The following MVB12B variants were observed in gnomAD, a reference collection of about 807,000 sequenced individuals.
The protein encoded by MVB12B is ESCRT-I complex subunit MVB12B.
A neutral mutation model predicts 41.6 loss-of-function variants in MVB12B; 16 were observed. The ratio of observed to expected loss-of-function variants is 0.38; its 90% CI spans 0.26 to 0.58. The LOEUF is 0.58. MVB12B is among the 20% of genes least tolerant of loss of function. The pLI, the probability that MVB12B is intolerant of heterozygous loss-of-function variation, is 0.62. For synonymous variants in MVB12B, 133 were observed against 139.7 expected, an observed-to-expected ratio of 0.95 and a Z score of 0.34; for missense variants, 274 against 380.2, an observed-to-expected ratio of 0.72 and a Z score of 2.32.
chr9:126,408,252 A>C (rs1361834620), intron 6 of MVB12B: 1 of 152,218 alleles, frequency 6.6e-6, no homozygotes, highest in African/African-American at 2.4e-5. Flanking sequence ...GCACCCGTGA[A>C]TTTGGAAAGT....
rs142800805 is a variant in MVB12B at position 126,420,255 on chromosome 9, CTTAG to C, written c.663-1594_663-1591del. On this transcript the variant is annotated intron_variant, in intron 6 of 9. Coordinates refer to ENST00000361171, the MANE Select transcript of MVB12B (RefSeq NM_033446.3). ...AGCTGAGGGAGCTCACCTCTGTACC[CTTAG>C]TTAGCAGCAGTAACAAAGAATATTC... Among the ~76,000 whole-genome samples, 1,127 of 152,372 alleles carry C rather than the reference CTTAG, an allele frequency of 7.4e-3. 11 individuals carry two copies. Among genetic ancestry groups the C allele is most frequent in the East Asian group, 0.046 (239 of 5,178 alleles).
Position 126,504,263 on chromosome 9 carries a change from G to A in MVB12B, c.*1000G>A, listed in dbSNP as rs1013593496. On this transcript the variant is annotated 3_prime_UTR_variant, in exon 10 of 10. Coordinates refer to ENST00000361171, the MANE Select transcript of MVB12B (RefSeq NM_033446.3). ...CTGGCACTTCCGAGTGCCCACTGGT[G>A]CTGGCGTCCTCAAAGTGCCGGGCGC... The A allele has an allele frequency of 6.6e-6, 1 of 152,268 alleles. No individual in the cohort carries two copies. Among genetic ancestry groups the A allele is most frequent in the African/African-American group, 2.4e-5 (1 of 41,472 alleles). 9.4% of individuals were successfully genotyped at this position (152,268 alleles called of 1,614,324 possible).
chr9:126,423,979 A>G (rs1213899123), intron 7 of MVB12B, among the ~76,000 whole-genome samples: 1 of 152,204 alleles, frequency 6.6e-6, no homozygotes, highest in Non-Finnish European at 1.5e-5. Flanking sequence ...AGTTCTGCTG[A>G]TAATGAAATG....
At chr9:126,481,555 C>T (rs1588204512) in intron 8 of MVB12B, 131 bp downstream of exon 8, 1 of 726,032 alleles carries the variant, frequency 1.4e-6, no homozygotes, top group East Asian at 2.5e-5. Context: ...ATCTTGTCCG[C>T]CTGCGTGTCC....
chr9:126,327,420 G>A lies in MVB12B; in HGVS notation c.81+410G>A, dbSNP rs973421791. On this transcript the variant is annotated intron_variant, in intron 1 of 9. Transcript: ENST00000361171. Reference sequence around the variant, plus strand: ...GGTCCTGCTCTCTCTGGTCACGTGGGTGCAGACCAACGTGCACCTGCCCCA... The same window carrying A: ...GGTCCTGCTCTCTCTGGTCACGTGGATGCAGACCAACGTGCACCTGCCCCA... 8 of 763,954 alleles carry A rather than the reference G, an allele frequency of 1.0e-5. No homozygotes were observed. In the Admixed American group the frequency reaches 3.1e-4, roughly 30 times the overall value. 47.3% of individuals were successfully genotyped at this position (763,954 alleles called of 1,614,324 possible).
chr9:126,431,307 C>G (rs1832325357), intron 7 of MVB12B, among the ~76,000 whole-genome samples: 1 of 152,188 alleles, frequency 6.6e-6, no homozygotes, highest in Admixed American at 6.5e-5. Flanking sequence ...GCAAGCAGCC[C>G]ACGATCCCTT....
In MVB12B at chr9:126,503,295, G is replaced by T. The variant is rs540211732; in HGVS notation, c.*32G>T. The T allele has an allele frequency of 2.0e-6, 3 of 1,530,122 alleles. No homozygotes were observed. Among genetic ancestry groups the T allele is most frequent in the East Asian group, 2.5e-5 (1 of 40,764 alleles). The allele number at this position is 1,530,122 out of a possible 1,614,324, so 94.8% of individuals were successfully genotyped here. A position where few individuals can be genotyped will look rare whatever the true frequency, so the allele number is the denominator to read the frequency against. ...AGCGGCCACCTGCGGGGAGACCACC[G>T]CCGCCCAGACTACTGACGGCAGGGG... On this transcript the variant is annotated 3_prime_UTR_variant, in exon 10 of 10. Coordinates refer to ENST00000361171, the MANE Select transcript of MVB12B (RefSeq NM_033446.3).
chr9:126,412,483 G>A (rs1182766215), intron 6 of MVB12B, among the ~76,000 whole-genome samples: 2 of 152,142 alleles, frequency 1.3e-5, no homozygotes, highest in Non-Finnish European at 2.9e-5. Flanking sequence ...TAGAAAACAA[G>A]GTGTCCCTTC....
intron 2 of MVB12B, among the ~76,000 whole-genome samples, chr9:126,354,653 A>G (rs1210710488): frequency 6.6e-6 from 1 of 152,260 alleles, no homozygotes; most frequent in Non-Finnish European, 1.5e-5. Context: ...GTAAATGACC[A>G]CATGGATATG....
chr9:126,456,882 G>A (rs186982702), intron 7 of MVB12B, among the ~76,000 whole-genome samples: 1 of 122,154 alleles, frequency 8.2e-6, no homozygotes, highest in Non-Finnish European at 1.7e-5. Flanking sequence ...AAAAGTAAGC[G>A]TCTTACAATT....
rs1833458294 is a variant in MVB12B, at chr9:126,478,332, C to T, written c.758-3037C>T. The stretch of plus-strand genomic sequence containing the variant: ...GGCACTTGCCCCAGGCTGGAGCCCT[C>T]TACCCAGTTCCCCAGATCCCCGTGC... On this transcript the variant is annotated intron_variant, in intron 7 of 9. Coordinates refer to ENST00000361171, the MANE Select transcript of MVB12B (RefSeq NM_033446.3). The surrounding 1 kb of genome is among the most constrained non-coding windows in gnomAD (Gnocchi z 4.2). Among the ~76,000 whole-genome samples, 1 of 152,112 alleles carries T rather than the reference C, an allele frequency of 6.6e-6. No individual in the cohort carries two copies. The highest frequency in any genetic ancestry group is 2.4e-5 in the African/African-American group (1 of 41,390).
At chr9:126,363,669 C>T (rs1423482474) in intron 2 of MVB12B, among the ~76,000 whole-genome samples, 1 of 152,214 alleles carries the variant, frequency 6.6e-6, no homozygotes, top group Non-Finnish European at 1.5e-5. Context: ...GAGCACCTAG[C>T]ACTCAGTAAG....
intron 7 of MVB12B, among the ~76,000 whole-genome samples, chr9:126,470,698 A>G (rs1264909388): frequency 6.6e-6 from 1 of 151,030 alleles, no homozygotes; most frequent in Non-Finnish European, 1.5e-5. Flanking sequence ...GCTCATGCCA[A>G]ATAGAACCTC....
intron 6 of MVB12B, among the ~76,000 whole-genome samples, chr9:126,403,877 C>G (rs934838336): frequency 6.6e-6 from 1 of 152,054 alleles, no homozygotes; most frequent in Admixed American, 6.5e-5. Flanking sequence ...GTCCATCCAT[C>G]CAGCAGAGAC....
intron 2 of MVB12B, among the ~76,000 whole-genome samples, chr9:126,360,539 T>C: frequency 6.6e-6 from 1 of 152,196 alleles, no homozygotes; most frequent in East Asian, 1.9e-4. Context: ...TTGAAAAGAA[T>C]GTATATTCTT....
intron 2 of MVB12B, among the ~76,000 whole-genome samples, chr9:126,354,085 A>G (rs1408941242): frequency 2.0e-5 from 3 of 152,242 alleles, no homozygotes; most frequent in Non-Finnish European, 2.9e-5. Flanking sequence ...GTGATTAGCA[A>G]TAAGGCTGAG....
chr9:126,471,926 T>A (rs948974591), intron 7 of MVB12B, among the ~76,000 whole-genome samples: 2 of 152,194 alleles, frequency 1.3e-5, no homozygotes, highest in Non-Finnish European at 2.9e-5. Flanking sequence ...TTAACACCGC[T>A]TGACAACTTT....
rs541764814 is a variant in MVB12B at position 126,351,955 on chromosome 9, AT to A, written c.204+11335del. ...CTGTATCAATTAATATGATCATGTG[AT>A]TTTTTTTTTCCTTTAAAGCTTGTTA... is the stretch of plus-strand genomic sequence containing the variant. On this transcript the variant is annotated intron_variant, in intron 2 of 9. Transcript: ENST00000361171. Among the ~76,000 whole-genome samples the A allele has an allele frequency of 1.3e-4, 19 of 149,572 alleles. No individual in the cohort carries two copies. In the East Asian group the frequency reaches 1.6e-3, roughly 12 times the overall value.
chr9:126,463,375 T>C (rs1833132476), intron 7 of MVB12B, among the ~76,000 whole-genome samples: 1 of 152,176 alleles, frequency 6.6e-6, no homozygotes, highest in Non-Finnish European at 1.5e-5. Context: ...AACTGAGAAG[T>C]CCGGTATTTC....
Sources: gnomAD v4.1 joint callset for allele counts (sites outside exome capture counted in the v4.1 genomes callset) on GRCh38, gnomAD v4.1.1 for gene constraint, Gnocchi (gnomAD v3.1) non-coding constraint, MANE v1.5 for transcripts, NCBI Gene and HGNC (gene_info 2026-07-23, HGNC 2026-07-21) for gene names.